SLC7A14: variants seen among roughly 807,000 people sequenced by gnomAD.
The protein encoded by SLC7A14 is gamma-aminobutyric acid transporter SLC7A14.
In SLC7A14, 37 loss-of-function variants were observed where a neutral mutation model predicts 60.2. The ratio of observed to expected loss-of-function variants is 0.61; its 90% CI spans 0.47 to 0.81. The LOEUF (loss-of-function observed/expected upper bound fraction) is 0.81, where lower values mean the gene tolerates loss of function less well. Ranked by LOEUF, SLC7A14 falls within the 30% of genes least tolerant of loss-of-function variation. SLC7A14 has a pLI of 0.00. For synonymous variants in SLC7A14, 399 were observed against 395.8 expected (o/e 1.01, Z -0.10); for missense variants, 886 against 982.7 (o/e 0.90, Z 1.32).
intron 4 of SLC7A14, chr3:170,496,656 C>A: frequency 1.5e-6 from 2 of 1,290,770 alleles, no homozygotes; most frequent in Non-Finnish European, 2.2e-6. Context: ...GGATGCAGAA[C>A]ACGAGTATCC....
At chr3:170,508,071 C>G (rs1712839618) in intron 2 of SLC7A14, among the ~76,000 whole-genome samples, 1 of 152,228 alleles carries the variant, frequency 6.6e-6, no homozygotes, top group African/African-American at 2.4e-5. Flanking sequence ...CCAGCCTTAG[C>G]AGCTTTCTAA....
At chr3:170,534,587 G>A (rs920080811) in intron 1 of SLC7A14, among the ~76,000 whole-genome samples, 1 of 152,040 alleles carries the variant, frequency 6.6e-6, no homozygotes, top group African/African-American at 2.4e-5. Context: ...CTCTGAAATG[G>A]GCAGATATCT....
intron 4 of SLC7A14, among the ~76,000 whole-genome samples, chr3:170,492,112 G>A (rs1303888297): frequency 4.6e-5 from 7 of 152,128 alleles, no homozygotes; most frequent in Non-Finnish European, 8.8e-5. Context: ...CACTGAAACC[G>A]TTTTCTACGT....
At chr3:170,515,832 C>T (rs889454912) in intron 2 of SLC7A14, among the ~76,000 whole-genome samples, 5 of 152,102 alleles carry the variant, frequency 3.3e-5, no homozygotes, top group Non-Finnish European at 7.4e-5. Flanking sequence ...TCAGGTGTCC[C>T]GACTTCTGAC....
chr3:170,529,782 C>T (rs952564923), intron 1 of SLC7A14, among the ~76,000 whole-genome samples: 3 of 152,120 alleles, frequency 2.0e-5, no homozygotes, highest in African/African-American at 7.2e-5. Flanking sequence ...AGAATGGGCC[C>T]TTAGTCCATA....
intron 1 of SLC7A14, among the ~76,000 whole-genome samples, chr3:170,568,127 TTTTTATGG>T (rs1714844958): frequency 6.6e-6 from 1 of 152,172 alleles, no homozygotes; most frequent in Non-Finnish European, 1.5e-5. Context: ...TCTTTTAGGG[TTTTTATGG>T]TTTTAGGTCT....
Position 170,467,235 on chromosome 3 carries a change from T to G in SLC7A14, c.2136A>C (p.Thr712=), listed in dbSNP as rs766665277. 2 of 1,614,094 alleles carry G rather than the reference T, an allele frequency of 1.2e-6. No individual in the cohort carries two copies. The highest frequency in any genetic ancestry group is 1.7e-6 in the Non-Finnish European group (2 of 1,179,996). Residue 712 remains threonine, a synonymous_variant, in exon 8 of 8, where the codon ACA becomes ACC. Coordinates refer to ENST00000231706, the MANE Select transcript of SLC7A14 (RefSeq NM_020949.3). ...FSVEEGFSYA[T]EGESQEDWGG... is the part of the protein sequence containing the mutation. ...CCCAGTCCTCCTGGCTCTCGCCCTC[T>G]GTGGCGTAGGAGAAACCCTCCTCCA...
intron 1 of SLC7A14, among the ~76,000 whole-genome samples, chr3:170,562,999 T>A (rs1276634795): frequency 1.3e-5 from 2 of 152,128 alleles, no homozygotes; most frequent in African/African-American, 4.8e-5. Context: ...TGGCCTCAAG[T>A]CAACTGACCA....
chr3:170,459,683 A>G lies in SLC7A14; in HGVS notation c.*7372T>C, dbSNP rs923255760. 10 of 152,382 alleles carry G rather than the reference A, an allele frequency of 6.6e-5. No individual in the cohort carries two copies. The highest frequency in any genetic ancestry group is 2.4e-4 in the African/African-American group (10 of 41,592). 9.4% of individuals were successfully genotyped at this position (152,382 alleles called of 1,614,324 possible). On this transcript the variant is annotated 3_prime_UTR_variant, in exon 8 of 8. Coordinates refer to ENST00000231706, the MANE Select transcript of SLC7A14 (RefSeq NM_020949.3). Reference sequence around the variant, plus strand: ...CTTTTCTACAAAGGACAATTGAAACACTTAAGGCGAAATTCACTTATTCAT... The same window carrying G: ...CTTTTCTACAAAGGACAATTGAAACGCTTAAGGCGAAATTCACTTATTCAT...
intron 1 of SLC7A14, among the ~76,000 whole-genome samples, chr3:170,571,950 A>G (rs538088736): frequency 2.5e-4 from 38 of 151,520 alleles, no homozygotes; most frequent in Non-Finnish European, 4.7e-4. Flanking sequence ...AGTCCCAACT[A>G]CTCAGGAGGC....
At chr3:170,531,004 C>T (rs965745466) in intron 1 of SLC7A14, among the ~76,000 whole-genome samples, 2 of 152,142 alleles carry the variant, frequency 1.3e-5, no homozygotes, top group Non-Finnish European at 2.9e-5. Context: ...CTTGGTTGCA[C>T]GTTGGAAATA....
intron 6 of SLC7A14, among the ~76,000 whole-genome samples, 174 bp from the exon 7 acceptor site, chr3:170,481,340 C>A (rs1027733101): frequency 6.6e-6 from 1 of 152,000 alleles, no homozygotes; most frequent in African/African-American, 2.4e-5. Context: ...ATTCCTACCC[C>A]AGGATTTGGT....
rs967007055 is a variant in SLC7A14, at chr3:170,473,851, C to G, written c.1993+6438G>C. Among the ~76,000 whole-genome samples, 4 of 152,312 alleles carry G rather than the reference C, an allele frequency of 2.6e-5. No homozygotes were observed. The East Asian group carries it at 7.7e-4, about 29-fold the overall frequency. The stretch of plus-strand genomic sequence containing the variant: ...AATGGGAAGTCATGCTACTTTATGT[C>G]TCAGTTTCTCATCTGCAAAACGGGG... On this transcript the variant is annotated intron_variant, in intron 7 of 7. Coordinates refer to ENST00000231706, the MANE Select transcript of SLC7A14 (RefSeq NM_020949.3).
chr3:170,527,304 A>G (rs1713543454), intron 1 of SLC7A14, among the ~76,000 whole-genome samples: 1 of 152,180 alleles, frequency 6.6e-6, no homozygotes, highest in Non-Finnish European at 1.5e-5. Context: ...CATCCTGATG[A>G]GGATGGTCTG....
At chr3:170,522,057 A>G (rs1234752986) in intron 2 of SLC7A14, among the ~76,000 whole-genome samples, 1 of 152,232 alleles carries the variant, frequency 6.6e-6, no homozygotes, top group African/African-American at 2.4e-5. Context: ...AATTAAAACC[A>G]CATTGAAACA....
At chr3:170,520,139 CA>C (rs1017393935) in intron 2 of SLC7A14, among the ~76,000 whole-genome samples, 2 of 152,224 alleles carry the variant, frequency 1.3e-5, no homozygotes, top group African/African-American at 4.8e-5. Context: ...GCTCTGGAGT[CA>C]GACTGCTTTC....
At chr3:170,544,704 C>T (rs1057325919) in intron 1 of SLC7A14, among the ~76,000 whole-genome samples, 1 of 152,192 alleles carries the variant, frequency 6.6e-6, no homozygotes, top group East Asian at 1.9e-4. Flanking sequence ...GTGGAAATGT[C>T]ATTAAGTAGA....
chr3:170,582,382 T>C, intron 1 of SLC7A14, among the ~76,000 whole-genome samples: 1 of 152,186 alleles, frequency 6.6e-6, no homozygotes, highest in East Asian at 1.9e-4. Flanking sequence ...TATAGAGTTA[T>C]TGAGCACTTG....
chr3:170,548,984 A>T (rs1346425897), intron 1 of SLC7A14, among the ~76,000 whole-genome samples: 1 of 152,244 alleles, frequency 6.6e-6, no homozygotes. Flanking sequence ...CCTGATACCA[A>T]GTCAGGATCT....
Sources: allele counts gnomAD v4.1 joint callset (sites outside exome capture counted in the v4.1 genomes callset), GRCh38; gene constraint gnomAD v4.1.1; transcripts MANE v1.5; gene names NCBI Gene and HGNC (gene_info 2026-07-23, HGNC 2026-07-21).